VSIG10L2: variants seen among roughly 807,000 people sequenced by gnomAD.
The protein encoded by VSIG10L2 is V-set and immunoglobulin domain containing 10 like 2.
VSIG10L2 carries 56 observed loss-of-function variants against 67.1 expected under a neutral mutation model. The ratio of observed to expected loss-of-function variants is 0.83; its 90% CI spans 0.67 to 1.04. VSIG10L2 has a LOEUF of 1.04. Ranked by LOEUF, VSIG10L2 falls within the 50% of genes least tolerant of loss-of-function variation. The pLI, the probability that VSIG10L2 is intolerant of heterozygous loss-of-function variation, is 0.00. For missense variants in VSIG10L2, 843 were observed against 932.8 expected (o/e 0.90, Z 1.25); for synonymous variants, 360 against 396.6 (o/e 0.91, Z 1.10).
Position 125,953,581 on chromosome 11 carries a change from G to A in VSIG10L2, c.1677G>A (p.Leu559=). 8.1e-7 allele frequency: 1 copy of A among 1,232,212 alleles called. No individual in the cohort carries two copies. Among genetic ancestry groups the A allele is most frequent in the Non-Finnish European group, 1.0e-6 (1 of 988,014 alleles). 76.3% of individuals were successfully genotyped at this position (1,232,212 alleles called of 1,614,324 possible). A position where few individuals can be genotyped will look rare whatever the true frequency, so the allele number is the denominator to read the frequency against. ...TGCTGCACCCTGAGGGTGCCCAGCT[G>A]CGCCTGGGCATCTACGATGCTGACC... ...GFMLHPEGAQ[L]RLGIYDADPA... The change falls in exon 7 of 12, where the codon CTG becomes CTA. Residue 559 remains leucine, a synonymous_variant. Transcript: ENST00000686984.
chr11:125,947,881 T>C lies in VSIG10L2; in HGVS notation c.278T>C (p.Ile93Thr), dbSNP rs1263516247. 4.9e-6 allele frequency: 6 copies of C among 1,232,184 alleles called. No homozygotes were observed. Among genetic ancestry groups the C allele is most frequent in the Non-Finnish European group, 6.1e-6 (6 of 988,076 alleles). 76.3% of individuals were successfully genotyped at this position (1,232,184 alleles called of 1,614,324 possible). ...GGAGCCATGTCCAAGGTGGAGGCCA[T>C]CGCCTCGGCTCTGGGAGTCGTGAGT... ...TDGAMSKVEA[I>T]ASALGVVSLR... The change falls in exon 2 of 12, where the codon ATC becomes ACC. Residue 93 changes from isoleucine to threonine, a missense_variant. By Grantham distance (89) the Ile-to-Thr change is moderately conservative. Around this residue, in one of 2 missense-constraint regions of VSIG10L2, gnomAD observed 446 missense variants for 548.4 expected, o/e 0.81. Coordinates refer to ENST00000686984, the MANE Select transcript of VSIG10L2 (RefSeq NM_001365077.2).
intron 3 of VSIG10L2, among the ~76,000 whole-genome samples, chr11:125,949,417 G>A (rs1006804170): frequency 6.6e-6 from 1 of 152,186 alleles, no homozygotes; most frequent in Non-Finnish European, 1.5e-5. Context: ...GGTCTTCACC[G>A]TGGCGGTTTG....
chr11:125,955,673 C>G lies in VSIG10L2; in HGVS notation c.2284+6C>G, dbSNP rs1156503770. ...AGATGCTGAGGCACCGGCAGGTAAG[C>G]ACCTTATCCAGAAAAAGACGACTCG... On this transcript the variant is annotated splice_donor_region_variant and intron_variant, in intron 11 of 11. Transcript: ENST00000686984. 1 of 1,533,386 alleles carries G rather than the reference C, an allele frequency of 6.5e-7. No individual in the cohort carries two copies. 95.0% of individuals were successfully genotyped at this position (1,533,386 alleles called of 1,614,324 possible).
rs531397699 is a variant in VSIG10L2 at position 125,947,333 on chromosome 11, G to A, written c.83-353G>A. On this transcript the variant is annotated intron_variant, in intron 1 of 11. Coordinates refer to ENST00000686984, the MANE Select transcript of VSIG10L2 (RefSeq NM_001365077.2). ...CGCTTGTTACAAATATGGATTCCTG[G>A]GCCCTGACCCCCTCACCACCACTGG... 9 of 706,914 alleles carry A rather than the reference G, an allele frequency of 1.3e-5. No individual in the cohort carries two copies. In the South Asian group the frequency reaches 4.5e-4, roughly 35 times the overall value. The allele number at this position is 706,914 out of a possible 1,614,324, so 43.8% of individuals were successfully genotyped here. A position where few individuals can be genotyped will look rare whatever the true frequency, so the allele number is the denominator to read the frequency against.
chr11:125,948,453 GGTGGGGGTCACT>G lies in VSIG10L2; in HGVS notation c.584_595del (p.Val195_Thr198del). ...CACCCCGAGGCCTTGGAGAGGCCCT[GGTGGGGGTCACT>G]GAGCCACTATTCCAGCTGGACCCTG... On this transcript the variant is annotated inframe_deletion, in exon 3 of 12. Transcript: ENST00000686984. 6 of 1,232,432 alleles carry G rather than the reference GGTGGGGGTCACT, an allele frequency of 4.9e-6. No homozygotes were observed. The highest frequency in any genetic ancestry group is 6.1e-6 in the Non-Finnish European group (6 of 988,176). 76.3% of individuals were successfully genotyped at this position (1,232,432 alleles called of 1,614,324 possible). A position where few individuals can be genotyped will look rare whatever the true frequency, so the allele number is the denominator to read the frequency against.
chr11:125,949,671 AGTCTACAGTGGCCGAAT>A (rs1224502299), intron 3 of VSIG10L2, among the ~76,000 whole-genome samples: 1 of 152,188 alleles, frequency 6.6e-6, no homozygotes, highest in Admixed American at 6.5e-5. Context: ...TTACTTCTGC[AGTCTACAGTGGCCGAAT>A]GTCTGCTTCC....
At chr11:125,948,061 C>T in intron 2 of VSIG10L2, 25 bp downstream of exon 2, 1 of 1,232,548 alleles carries the variant, frequency 8.1e-7, no homozygotes, top group Non-Finnish European at 1.0e-6. Flanking sequence ...CCAGCTGCAG[C>T]TGGTCCGCGG....
chr11:125,954,049 G>A (rs1488758148), intron 7 of VSIG10L2, 38 bp from the exon 8 acceptor site: 3 of 1,228,012 alleles, frequency 2.4e-6, no homozygotes, highest in Non-Finnish European at 3.0e-6. Flanking sequence ...GTGGTTGTAG[G>A]TATACATGTC....
Position 125,947,997 on chromosome 11 carries a change from C to T in VSIG10L2, c.394C>T (p.Leu132Phe). The T allele has an allele frequency of 8.1e-7, 1 of 1,232,298 alleles. No individual in the cohort carries two copies. 76.3% of individuals were successfully genotyped at this position (1,232,298 alleles called of 1,614,324 possible). The change falls in exon 2 of 12, where the codon CTC (leucine) becomes TTC (phenylalanine). Residue 132 changes from leucine to phenylalanine, a missense_variant. Leu to Phe is a conservative substitution (Grantham distance 22). This residue lies in a region of VSIG10L2 where 446 missense variants were observed against 548.4 expected (regional missense o/e 0.81). Coordinates refer to ENST00000686984, the MANE Select transcript of VSIG10L2 (RefSeq NM_001365077.2). ...CQVLHVAGGQLHAAYSHLTLA... is the reference protein window; with the variant it reads ...CQVLHVAGGQFHAAYSHLTLA... ...GGTTCTGCACGTGGCTGGCGGCCAG[C>T]TCCACGCTGCCTACTCCCACCTCAC...
intron 4 of VSIG10L2, 135 bp downstream of exon 4, chr11:125,950,424 G>A (rs1185175185): frequency 1.1e-6 from 1 of 929,980 alleles, no homozygotes; most frequent in African/African-American, 1.7e-5. Context: ...GTTGGAGGGA[G>A]GTCTCCAACC....
At chr11:125,947,470 A>G (rs1945313047) in intron 1 of VSIG10L2, 2 of 985,294 alleles carry the variant, frequency 2.0e-6, no homozygotes, top group South Asian at 9.4e-5. Context: ...GACTTCAGTC[A>G]ACCCCTCCTT....
At chr11:125,954,767 G>A (rs1257123515) in intron 8 of VSIG10L2, among the ~76,000 whole-genome samples, 2 of 152,104 alleles carry the variant, frequency 1.3e-5, no homozygotes, top group Non-Finnish European at 2.9e-5. Flanking sequence ...TGATTTTACG[G>A]CATGCTCCCC....
At chr11:125,954,016 C>A in intron 7 of VSIG10L2, 71 bp from the exon 8 acceptor site, 1 of 1,201,928 alleles carries the variant, frequency 8.3e-7, no homozygotes, top group Non-Finnish European at 1.0e-6. Context: ...TTGACAGGAG[C>A]AAATCTGGGG....
intron 4 of VSIG10L2, 79 bp from the exon 5 acceptor site, chr11:125,950,829 CCA>C (rs773975966): frequency 1.8e-5 from 22 of 1,222,212 alleles, no homozygotes; most frequent in Non-Finnish European, 2.0e-5. Flanking sequence ...CCCCTGGCCT[CCA>C]GACTCCCCTG....
chr11:125,953,980 C>T, intron 7 of VSIG10L2, 107 bp from the exon 8 acceptor site: 2 of 993,058 alleles, frequency 2.0e-6, no homozygotes, highest in Non-Finnish European at 2.6e-6. Context: ...CAATCCAGTG[C>T]CTTGTCCACA....
At chr11:125,949,290 G>GT (rs34806348) in intron 3 of VSIG10L2, among the ~76,000 whole-genome samples, 56,299 of 151,950 alleles carry the variant, frequency 0.37, 10,722 homozygotes, top group East Asian at 0.56. Flanking sequence ...TCATTTTTAC[G>GT]TAAGATTTGG....
chr11:125,955,698 G>C (rs931598804), intron 11 of VSIG10L2, 31 bp downstream of exon 11: 1 of 1,524,210 alleles, frequency 6.6e-7, no homozygotes, highest in African/African-American at 1.4e-5. Flanking sequence ...AAGACGACTC[G>C]TGTACAAGGA....
intron 1 of VSIG10L2, among the ~76,000 whole-genome samples, chr11:125,947,071 T>G (rs1020140365): frequency 6.6e-6 from 1 of 152,120 alleles, no homozygotes; most frequent in African/African-American, 2.4e-5. Context: ...GGGGGGCTCA[T>G]TTGTCCTTGT....
At position 125,948,305 on chromosome 11, in the gene VSIG10L2, T is replaced by C; in HGVS notation, c.434T>C (p.Val145Ala). 1 of 1,232,552 alleles carries C rather than the reference T, an allele frequency of 8.1e-7. No individual in the cohort carries two copies. The highest frequency in any genetic ancestry group is 1.0e-6 in the Non-Finnish European group (1 of 988,320). 76.4% of individuals were successfully genotyped at this position (1,232,552 alleles called of 1,614,324 possible). The change falls in exon 3 of 12, where the codon GTG becomes GCG. Residue 145 changes from valine (V) to alanine (A), a missense_variant and splice_region_variant. Transcript: ENST00000686984. ...GCGGGCCTCTCCCTCCTCTGGCCAG[T>C]GCCGGTGTCCAAGCCTCAAGTGCGA... is the stretch of plus-strand genomic sequence containing the variant. ...AYSHLTLAVL[V>A]PVSKPQVRLS...
Sources: allele counts gnomAD v4.1 joint callset (sites outside exome capture counted in the v4.1 genomes callset), GRCh38; gene constraint gnomAD v4.1.1; regional missense constraint gnomAD v4.1.1; transcripts MANE v1.5; gene names NCBI Gene and HGNC (gene_info 2026-07-23, HGNC 2026-07-21).